FNDC1: variants seen among roughly 807,000 people sequenced by gnomAD.
FNDC1 encodes fibronectin type III domain containing 1.
Under a neutral mutation model 168.0 loss-of-function variants are expected in FNDC1, and 96 were observed. The ratio of observed to expected loss-of-function variants is 0.57; its 90% confidence interval spans 0.48 to 0.68. FNDC1 has a LOEUF of 0.68. Among genes scored for constraint, FNDC1 ranks in the 30% least tolerant of loss-of-function variants. The pLI is 0.00. For synonymous variants in FNDC1, 1,099 were observed against 1,025.9 expected, an observed-to-expected ratio of 1.07 and a Z score of -1.36; for missense variants, 2,587 against 2,482.1, an observed-to-expected ratio of 1.04 and a Z score of -0.90.
intron 1 of FNDC1, among the ~76,000 whole-genome samples, chr6:159,179,825 G>A (rs1437096708): frequency 6.6e-6 from 1 of 152,106 alleles, no homozygotes; most frequent in Non-Finnish European, 1.5e-5. Context: ...GCTTTCTTTG[G>A]TATTAGTTAC....
intron 1 of FNDC1, among the ~76,000 whole-genome samples, chr6:159,173,788 A>T (rs188157934): frequency 1.5e-4 from 23 of 152,328 alleles, no homozygotes; most frequent in Admixed American, 1.2e-3. Flanking sequence ...TACTGGGCAA[A>T]AATCAAGGCC....
intron 14 of FNDC1, among the ~76,000 whole-genome samples, chr6:159,246,477 C>T (rs553952693): frequency 9.2e-5 from 14 of 152,292 alleles, no homozygotes; most frequent in East Asian, 7.7e-4. Flanking sequence ...GAGCACCAAC[C>T]GCCCACTCTC....
At chr6:159,222,504 A>G (rs1782849461) in intron 6 of FNDC1, among the ~76,000 whole-genome samples, 1 of 152,222 alleles carries the variant, frequency 6.6e-6, no homozygotes, top group South Asian at 2.1e-4. Flanking sequence ...GTGAAAAGAA[A>G]AAACGAAACA....
chr6:159,171,102 C>A (rs932548211), intron 1 of FNDC1, among the ~76,000 whole-genome samples: 1 of 151,876 alleles, frequency 6.6e-6, no homozygotes, highest in African/African-American at 2.4e-5. Flanking sequence ...TGGGTCCGAG[C>A]GGGGTTGTTT....
intron 1 of FNDC1, among the ~76,000 whole-genome samples, chr6:159,188,320 T>C (rs1391465287): frequency 6.6e-6 from 1 of 151,856 alleles, no homozygotes; most frequent in Non-Finnish European, 1.5e-5. Flanking sequence ...CTGTGAATGC[T>C]CCACTAGGAA....
chr6:159,246,213 G>T (rs902490298), intron 14 of FNDC1, among the ~76,000 whole-genome samples: 28 of 152,172 alleles, frequency 1.8e-4, no homozygotes, highest in Non-Finnish European at 3.8e-4. Flanking sequence ...GCAATGATTG[G>T]CATATGTTTC....
rs564109675 is a variant in FNDC1 at position 159,211,626 on chromosome 6, C to T, written c.461-3319C>T. 3.9e-5 allele frequency among the ~76,000 whole-genome samples: 6 copies of T among 152,142 alleles called. No individual in the cohort carries two copies. In the South Asian group the frequency reaches 6.3e-4, roughly 16 times the overall value. ...GGTGGTAAGCTCTGTGATACATTCACGGCTCCCATTCTGAAGGGGGTTACC... is the reference window on the plus strand; with the variant it reads ...GGTGGTAAGCTCTGTGATACATTCATGGCTCCCATTCTGAAGGGGGTTACC... On this transcript the variant is annotated intron_variant, in intron 4 of 22. Transcript: ENST00000297267.
Position 159,231,097 on chromosome 6 carries a change from C to T in FNDC1, c.1370-785C>T, listed in dbSNP as rs189513467. Among the ~76,000 whole-genome samples, 11 of 86,950 alleles carry T rather than the reference C, an allele frequency of 1.3e-4. 2 individuals carry two copies. Among genetic ancestry groups the T allele is most frequent in the East Asian group, 8.4e-4 (4 of 4,750 alleles). 57.0% of individuals were successfully genotyped at this position (86,950 alleles called of 152,430 possible). A position where few individuals can be genotyped will look rare whatever the true frequency, so the allele number is the denominator to read the frequency against. On this transcript the variant is annotated intron_variant, in intron 10 of 22. Transcript: ENST00000297267. ...TGCCTTAAAAATTACAAATTGGGGC[C>T]GGGCGCGGTGGCTCACGCCTGTAAT...
At chr6:159,255,556 T>A (rs1017257341) in intron 17 of FNDC1, among the ~76,000 whole-genome samples, 12 of 152,204 alleles carry the variant, frequency 7.9e-5, no homozygotes, top group African/African-American at 2.9e-4. Context: ...GCACTTAGTA[T>A]AATGTCTGGC....
At chr6:159,269,608 T>C (rs1311730255) in intron 22 of FNDC1, among the ~76,000 whole-genome samples, 1 of 137,228 alleles carries the variant, frequency 7.3e-6, no homozygotes, top group African/African-American at 2.9e-5. Context: ...TCTATCTATC[T>C]ATCTATCTAT....
At chr6:159,227,616 T>C (rs534031712) in intron 9 of FNDC1, among the ~76,000 whole-genome samples, 1 of 150,806 alleles carries the variant, frequency 6.6e-6, no homozygotes, top group Non-Finnish European at 1.5e-5. Flanking sequence ...TTTTTTTTTT[T>C]AAAGAATAGA....
intron 5 of FNDC1, 53 bp from the exon 6 acceptor site, chr6:159,221,545 G>C: frequency 2.1e-6 from 3 of 1,413,094 alleles, no homozygotes; most frequent in Non-Finnish European, 3.0e-6. Context: ...CAGGGGATGT[G>C]TGTTCCTGAG....
At chr6:159,246,270 G>A (rs935261658) in intron 14 of FNDC1, among the ~76,000 whole-genome samples, 9 of 152,234 alleles carry the variant, frequency 5.9e-5, no homozygotes, top group Non-Finnish European at 1.2e-4. Flanking sequence ...TCCTGAGTCA[G>A]TGAGAGTGGG....
In FNDC1 at chr6:159,232,579, C is replaced by A. The variant is rs558609214; in HGVS notation, c.2067C>A (p.Pro689=). 6.2e-7 allele frequency: 1 copy of A among 1,609,204 alleles called. No homozygotes were observed. The highest frequency in any genetic ancestry group is 8.5e-7 in the Non-Finnish European group (1 of 1,177,038). Residue 689 remains proline (P), a synonymous_variant, in exon 11 of 23, where the codon CCC becomes CCA. Coordinates refer to ENST00000297267, the MANE Select transcript of FNDC1 (RefSeq NM_032532.3). This position sits in a 1 kb window ranked among gnomAD's most constrained non-coding sequence, Gnocchi z 4.9. ...SVLRDRSSVH[P]GAKPASPARR... is the part of the protein sequence containing the mutation. ...TCCGCGACAGAAGCTCTGTGCACCC[C>A]GGCGCAAAGCCAGCCTCGCCGGCCC...
intron 1 of FNDC1, among the ~76,000 whole-genome samples, chr6:159,181,592 G>A (rs761812973): frequency 7.2e-5 from 11 of 152,120 alleles, no homozygotes; most frequent in Non-Finnish European, 1.3e-4. Flanking sequence ...ATAAACTTCC[G>A]CTTGCCAGAT....
chr6:159,237,772 T>A (rs1010668380), intron 12 of FNDC1, among the ~76,000 whole-genome samples: 6 of 152,238 alleles, frequency 3.9e-5, no homozygotes, highest in Non-Finnish European at 7.3e-5. Context: ...TAACCTTCCA[T>A]AATTTTTTTC....
chr6:159,233,398 T>C lies in FNDC1; in HGVS notation c.2886T>C (p.Gly962=), dbSNP rs1383817914. ...VQQSTDADTE[G]HSPKAQPGST... is the part of the protein sequence containing the mutation. ...AGAGCACAGACGCGGACACGGAGGG[T>C]CATTCTCCCAAAGCACAGCCAGGGT... is the stretch of plus-strand genomic sequence containing the variant. The change falls in exon 11 of 23, where the codon GGT becomes GGC. Residue 962 remains glycine (G), a synonymous_variant. Transcript: ENST00000297267. The surrounding 1 kb of genome is among the most constrained non-coding windows in gnomAD (Gnocchi z 4.6). 1.9e-6 allele frequency: 3 copies of C among 1,612,620 alleles called. No individual in the cohort carries two copies. The highest frequency in any genetic ancestry group is 2.5e-6 in the Non-Finnish European group (3 of 1,179,618).
chr6:159,192,813 C>T (rs373564504), intron 1 of FNDC1, among the ~76,000 whole-genome samples: 2 of 152,236 alleles, frequency 1.3e-5, no homozygotes, highest in East Asian at 3.9e-4. Context: ...CTTCTTGGAG[C>T]CCAGGACAGC....
Position 159,234,376 on chromosome 6 carries a change from C to T in FNDC1, c.3864C>T (p.Gly1288=). The change falls in exon 11 of 23, where the codon GGC becomes GGT. Residue 1288 remains glycine (G), a synonymous_variant. Transcript: ENST00000297267. ...AGTACACCACGCGCGCCCCACCTGG[C>T]CACTTCTCCACCACCCCGATGCTGT... The part of the protein sequence containing the change: ...WPQYTTRAPP[G]HFSTTPMLSL... The T allele has an allele frequency of 1.9e-6, 3 of 1,613,174 alleles. No individual in the cohort carries two copies.
Sources: gnomAD v4.1 joint callset for allele counts (sites outside exome capture counted in the v4.1 genomes callset) on GRCh38, gnomAD v4.1.1 for gene constraint, Gnocchi (gnomAD v3.1) non-coding constraint, MANE v1.5 for transcripts, NCBI Gene and HGNC (gene_info 2026-07-23, HGNC 2026-07-21) for gene names.